CHFR: variants seen among roughly 807,000 people sequenced by gnomAD.
The protein encoded by CHFR is checkpoint with forkhead and ring finger domains.
A neutral mutation model predicts 87.6 loss-of-function variants in CHFR; 57 were observed. The observed-to-expected ratio is 0.65, with a 90% CI of 0.53 to 0.81. The LOEUF is 0.81. CHFR is among the 30% of genes least tolerant of loss of function. CHFR has a pLI of 0.00. For synonymous variants in CHFR, 381 were observed against 359.2 expected, an observed-to-expected ratio of 1.06 and a Z score of -0.69; for missense variants, 797 against 865.8, an observed-to-expected ratio of 0.92 and a Z score of 1.00.
chr12:132,870,236 C>T (rs11147124), intron 5 of CHFR, among the ~76,000 whole-genome samples: 20,095 of 151,970 alleles, frequency 0.13, 2,630 homozygotes, highest in East Asian at 0.46. Context: ...CCTGTAGTCC[C>T]AGCTACTCGG....
chr12:132,844,241 C>T (rs1950762049), intron 15 of CHFR, 107 bp from the exon 16 acceptor site: 2 of 683,114 alleles, frequency 2.9e-6, no homozygotes, highest in Non-Finnish European at 5.4e-6. Context: ...GGGGTGAAGA[C>T]AACGGGCGAC....
chr12:132,845,743 G>A (rs970771093), intron 15 of CHFR, among the ~76,000 whole-genome samples: 2 of 152,046 alleles, frequency 1.3e-5, no homozygotes, highest in African/African-American at 4.8e-5. Flanking sequence ...CTCACCAAGT[G>A]ACTGACACAT....
rs1341253353 is a variant in CHFR at position 132,859,129 on chromosome 12, C to G, written c.850G>C (p.Asp284His). Residue 284 changes from aspartate (D) to histidine (H), a missense_variant, in exon 8 of 18, where the codon GAC becomes CAC. By Grantham distance (81) the Asp-to-His change is moderately conservative. This residue lies in a region of CHFR where 597 missense variants were observed against 601.2 expected (regional missense o/e 0.99). Transcript: ENST00000450056. Reference sequence around the variant, plus strand: ...CATGTCAGCGTCTCCTCCATCTTGTCTGGCTTCCCAGCCGCTGCTCTGACG... The same window carrying G: ...CATGTCAGCGTCTCCTCCATCTTGTGTGGCTTCCCAGCCGCTGCTCTGACG... ...EDVRAAAGKP[D>H]KMEETLTCII... The G allele has an allele frequency of 6.2e-7, 1 of 1,614,174 alleles. No homozygotes were observed. The highest frequency in any genetic ancestry group is 8.5e-7 in the Non-Finnish European group (1 of 1,180,018).
rs529465307 is a variant in CHFR at position 132,848,237 on chromosome 12, T to C, written c.1577-82A>G. On this transcript the variant is annotated intron_variant, in intron 13 of 17. Transcript: ENST00000450056. ...GTCTGCCCGACACTGAGGATAAACATATTTCTTTTCATTACAGATTCTAGA... is the reference window on the plus strand; with the variant it reads ...GTCTGCCCGACACTGAGGATAAACACATTTCTTTTCATTACAGATTCTAGA... The C allele has an allele frequency of 9.5e-5, 152 of 1,598,516 alleles. No homozygotes were observed. The South Asian group carries it at 1.6e-3, about 17-fold the overall frequency.
At chr12:132,882,302 G>A (rs940546615) in intron 2 of CHFR, among the ~76,000 whole-genome samples, 1 of 152,190 alleles carries the variant, frequency 6.6e-6, no homozygotes, top group African/African-American at 2.4e-5. Flanking sequence ...CTGTGACCCT[G>A]TGTCACGACA....
chr12:132,859,432 G>A (rs959175262), intron 7 of CHFR, among the ~76,000 whole-genome samples: 66 of 151,994 alleles, frequency 4.3e-4, no homozygotes, highest in African/African-American at 1.5e-3. Flanking sequence ...CTCACTGCAA[G>A]CTCCGCCTCC....
At chr12:132,873,519 TTC>T (rs2137030786) in intron 3 of CHFR, among the ~76,000 whole-genome samples, 1 of 152,234 alleles carries the variant, frequency 6.6e-6, no homozygotes, top group South Asian at 2.1e-4. Context: ...TGGACTGACT[TTC>T]TGTGTCCTCC....
chr12:132,840,291 G>A lies in CHFR; in HGVS notation c.*1263C>T, dbSNP rs1419620172. On this transcript the variant is annotated 3_prime_UTR_variant, in exon 18 of 18. Coordinates refer to ENST00000450056, the MANE Select transcript of CHFR (RefSeq NM_001161346.2). ...GGCACTCGGAGCTCACTCTGCATGGGGCCTGCCTCCCTCGCATGGGGAAGT... is the reference window on the plus strand; with the variant it reads ...GGCACTCGGAGCTCACTCTGCATGGAGCCTGCCTCCCTCGCATGGGGAAGT... 6.6e-6 allele frequency: 1 copy of A among 151,964 alleles called. No individual in the cohort carries two copies. Among genetic ancestry groups the A allele is most frequent in the Non-Finnish European group, 1.5e-5 (1 of 67,944 alleles). The allele number at this position is 151,964 out of a possible 1,614,324, so 9.4% of individuals were successfully genotyped here.
At chr12:132,847,377 C>T in intron 14 of CHFR, 2 of 1,251,692 alleles carry the variant, frequency 1.6e-6, no homozygotes, top group South Asian at 3.2e-5. Context: ...AAAAGTTCTG[C>T]CAAGACCTAC....
intron 5 of CHFR, 125 bp downstream of exon 5, chr12:132,870,599 G>A (rs1011182786): frequency 1.0e-5 from 6 of 588,770 alleles, no homozygotes; most frequent in South Asian, 2.5e-5. Flanking sequence ...GGCGGAGGCT[G>A]CAGTGAGCTG....
rs1951734162 is a variant in CHFR, at chr12:132,880,196, G to GT, written c.134-2543dup. ...GTAAACAATACAGTATTGTGGCTGT[G>GT]TAAGGATGGCCAGACAGAGACAAAT... is the stretch of plus-strand genomic sequence containing the variant. On this transcript the variant is annotated intron_variant, in intron 2 of 17. Coordinates refer to ENST00000450056, the MANE Select transcript of CHFR (RefSeq NM_001161346.2). Among the ~76,000 whole-genome samples, 5 of 152,336 alleles carry GT rather than the reference G, an allele frequency of 3.3e-5. No homozygotes were observed. The South Asian group carries it at 1.0e-3, about 32-fold the overall frequency.
chr12:132,879,885 G>A (rs976117957), intron 2 of CHFR, among the ~76,000 whole-genome samples: 12 of 152,218 alleles, frequency 7.9e-5, no homozygotes, highest in East Asian at 1.9e-4. Flanking sequence ...TTTCCTAAAC[G>A]TTCCACACAG....
intron 10 of CHFR, chr12:132,853,889 G>A (rs1447134300): frequency 1.4e-5 from 5 of 363,750 alleles, no homozygotes; most frequent in Non-Finnish European, 2.5e-5. Flanking sequence ...GGGCCAGCAC[G>A]TGCGCGCACG....
intron 2 of CHFR, among the ~76,000 whole-genome samples, chr12:132,880,829 G>A (rs1185311517): frequency 6.7e-6 from 1 of 149,952 alleles, no homozygotes; most frequent in African/African-American, 2.5e-5. Flanking sequence ...GCCAGGCATG[G>A]TGGCGGGCGC....
At chr12:132,877,981 T>G (rs112898402) in intron 2 of CHFR, among the ~76,000 whole-genome samples, 31,176 of 151,984 alleles carry the variant, frequency 0.21, 4,131 homozygotes, top group Non-Finnish European at 0.3. Context: ...TTTTTGTGTT[T>G]TTAGTAGAGA....
chr12:132,835,699 T>C lies in CHFR; in HGVS notation c.*5855A>G, dbSNP rs1360539655. 3 of 228,782 alleles carry C rather than the reference T, an allele frequency of 1.3e-5. No homozygotes were observed. 14.2% of individuals were successfully genotyped at this position (228,782 alleles called of 1,614,324 possible). A position where few individuals can be genotyped will look rare whatever the true frequency, so the allele number is the denominator to read the frequency against. On this transcript the variant is annotated 3_prime_UTR_variant, in exon 18 of 18. Transcript: ENST00000450056. ...CAGAACTGTGAGAAAATACTTTCTG[T>C]TGTTTAAGCCGCCTGTTCTGCGGCG...
intron 6 of CHFR, 59 bp downstream of exon 6, chr12:132,869,558 TAA>T (rs1951436345): frequency 2.0e-6 from 3 of 1,464,514 alleles, no homozygotes; most frequent in Non-Finnish European, 2.8e-6. Flanking sequence ...ACAACACAGG[TAA>T]AGAGTAGTGA....
chr12:132,868,217 C>T (rs1027608669), intron 6 of CHFR, among the ~76,000 whole-genome samples: 3 of 152,180 alleles, frequency 2.0e-5, no homozygotes, highest in Non-Finnish European at 4.4e-5. Context: ...CACGGCTGGG[C>T]GCGGCAGCTC....
chr12:132,842,987 G>A (rs761172886), intron 17 of CHFR, 24 bp downstream of exon 17: 9 of 1,596,076 alleles, frequency 5.6e-6, no homozygotes, highest in East Asian at 2.2e-5. Context: ...TGTAGCTGAC[G>A]CCTGTGCCCC....
Sources: allele counts gnomAD v4.1 joint callset (sites outside exome capture counted in the v4.1 genomes callset), GRCh38; gene constraint gnomAD v4.1.1; regional missense constraint gnomAD v4.1.1; transcripts MANE v1.5; gene names NCBI Gene and HGNC (gene_info 2026-07-23, HGNC 2026-07-21).